GDAP1L1: variants seen among roughly 807,000 people sequenced by gnomAD.
GDAP1L1 encodes ganglioside-induced differentiation-associated protein 1-like 1.
Under a neutral mutation model 37.1 loss-of-function variants are expected in GDAP1L1, and 21 were observed. The ratio of observed to expected loss-of-function variants is 0.57; its 90% CI spans 0.40 to 0.81. The LOEUF (loss-of-function observed/expected upper bound fraction) is 0.81. Ranked by LOEUF, GDAP1L1 falls within the 40% of genes least tolerant of loss-of-function variation. The probability of loss-of-function intolerance (pLI) is 0.00; values close to 1 mark genes in which losing one functional copy is unlikely to be tolerated. For missense variants in GDAP1L1, 362 were observed against 491.6 expected, an observed-to-expected ratio of 0.74 and a Z score of 2.49; for synonymous variants, 193 against 209.1, an observed-to-expected ratio of 0.92 and a Z score of 0.67.
intron 2 of GDAP1L1, 161 bp from the exon 3 acceptor site, chr20:44,258,273 G>A (rs1427094277): frequency 1.3e-6 from 1 of 756,252 alleles, no homozygotes; most frequent in Non-Finnish European, 2.4e-6. Context: ...GAGATGGCCG[G>A]GCCACCACTA....
At chr20:44,247,622 G>A in intron 1 of GDAP1L1, 108 bp downstream of exon 1, 1 of 1,053,812 alleles carries the variant, frequency 9.5e-7, no homozygotes, top group Non-Finnish European at 1.3e-6. Context: ...GGGGGAACCT[G>A]GGGTTTGGGG....
intron 5 of GDAP1L1, among the ~76,000 whole-genome samples, chr20:44,278,379 CTTTA>C (rs960478650): frequency 2.6e-5 from 4 of 151,762 alleles, no homozygotes; most frequent in South Asian, 2.1e-4. Context: ...CATATTTGCA[CTTTA>C]TTTATTTATT....
At chr20:44,247,897 G>T (rs2073363853) in intron 1 of GDAP1L1, among the ~76,000 whole-genome samples, 1 of 152,046 alleles carries the variant, frequency 6.6e-6, no homozygotes, top group Non-Finnish European at 1.5e-5. Flanking sequence ...GGAGGGAGAA[G>T]AAGCGCTACT....
chr20:44,264,480 G>A lies in GDAP1L1; in HGVS notation c.681G>A (p.Leu227=), dbSNP rs1450423138. 1 of 1,543,400 alleles carries A rather than the reference G, an allele frequency of 6.5e-7. No homozygotes were observed. Among genetic ancestry groups the A allele is most frequent in the South Asian group, 1.3e-5 (1 of 79,180 alleles). Residue 227 remains leucine (L), a synonymous_variant, in exon 5 of 6, where the codon CTG becomes CTA. Coordinates refer to ENST00000342560, the MANE Select transcript of GDAP1L1 (RefSeq NM_024034.6). ...KILEHDDVSY[L]KKILGELAMV... ...TGGAGCATGATGATGTGAGCTACCT[G>A]AAGAAGATCCTCGGGGAACTGGCCA...
At chr20:44,257,715 C>A (rs1004260363) in intron 2 of GDAP1L1, among the ~76,000 whole-genome samples, 2 of 152,104 alleles carry the variant, frequency 1.3e-5, no homozygotes, top group Admixed American at 6.5e-5. Context: ...TCCCCACAGA[C>A]AGGGTCCAGA....
intron 1 of GDAP1L1, 68 bp from the exon 2 acceptor site, chr20:44,257,085 C>T: frequency 6.8e-7 from 1 of 1,468,628 alleles, no homozygotes; most frequent in Non-Finnish European, 9.1e-7. Context: ...CCGCACACCC[C>T]CGCCCCACCT....
chr20:44,269,994 G>A (rs2062496145), intron 5 of GDAP1L1, among the ~76,000 whole-genome samples: 1 of 152,126 alleles, frequency 6.6e-6, no homozygotes, highest in African/African-American at 2.4e-5. Flanking sequence ...CAAAGGAGAG[G>A]TCAGAATTTG....
At chr20:44,258,277 ACCACTAGAATC>A in intron 2 of GDAP1L1, 146 bp from the exon 3 acceptor site, 1 of 764,702 alleles carries the variant, frequency 1.3e-6, no homozygotes, top group South Asian at 1.5e-5. Context: ...TGGCCGGGCC[ACCACTAGAATC>A]CCCTGTCCGC....
intron 1 of GDAP1L1, among the ~76,000 whole-genome samples, chr20:44,253,815 C>T (rs184047518): frequency 1.3e-5 from 2 of 152,360 alleles, no homozygotes; most frequent in East Asian, 3.9e-4. Flanking sequence ...GGCCGCCTGC[C>T]AGGGTGACCC....
intron 1 of GDAP1L1, 115 bp from the exon 2 acceptor site, chr20:44,257,038 C>T (rs1000734264): frequency 1.8e-5 from 20 of 1,094,350 alleles, no homozygotes; most frequent in Middle Eastern, 3.1e-4. Flanking sequence ...TGAAAGCAAT[C>T]GTGTCCCCTC....
rs777393883 is a variant in GDAP1L1 at position 44,279,169 on chromosome 20, G to A, written c.973G>A (p.Ala325Thr). The change falls in exon 6 of 6, where the codon GCC (alanine) becomes ACC (threonine). Residue 325 changes from alanine to threonine, a missense_variant. Physicochemically the swap from Ala to Thr is moderately conservative, Grantham distance 58. Transcript: ENST00000342560. ...LGDIHTTLLS[A>T]VIPNAFRLVK... The stretch of plus-strand genomic sequence containing the variant: ...TGACATCCACACCACCCTGCTGTCG[G>A]CCGTCATCCCCAATGCTTTCCGGCT... The A allele has an allele frequency of 4.3e-6, 7 of 1,614,102 alleles. No individual in the cohort carries two copies. Among genetic ancestry groups the A allele is most frequent in the Non-Finnish European group, 5.1e-6 (6 of 1,179,954 alleles).
upstream of GDAP1L1, chr20:44,247,262 C>T: frequency 1.4e-6 from 2 of 1,473,418 alleles, no homozygotes; most frequent in Admixed American, 3.5e-5. Flanking sequence ...CTCGGCGAGG[C>T]CATGTGATGC....
At chr20:44,269,486 G>A (rs887413735) in intron 5 of GDAP1L1, among the ~76,000 whole-genome samples, 1 of 152,202 alleles carries the variant, frequency 6.6e-6, no homozygotes, top group Non-Finnish European at 1.5e-5. Flanking sequence ...CAGAGGGGAG[G>A]CCGGTGCAGC....
chr20:44,261,851 G>A (rs2073679656), intron 3 of GDAP1L1, among the ~76,000 whole-genome samples: 1 of 152,210 alleles, frequency 6.6e-6, no homozygotes, highest in Non-Finnish European at 1.5e-5. Flanking sequence ...GAAATCTTTA[G>A]CTGAATCTAG....
At chr20:44,253,696 G>A (rs1321842626) in intron 1 of GDAP1L1, among the ~76,000 whole-genome samples, 3 of 152,232 alleles carry the variant, frequency 2.0e-5, no homozygotes, top group Non-Finnish European at 4.4e-5. Context: ...AGATGGCCTT[G>A]GTAGCTGAAT....
At chr20:44,257,427 A>G (rs1034364008) in intron 2 of GDAP1L1, 82 bp downstream of exon 2, 1 of 1,348,070 alleles carries the variant, frequency 7.4e-7, no homozygotes, top group South Asian at 1.4e-5. Flanking sequence ...GGGTCCCAGA[A>G]CTTTGGGAAG....
intron 5 of GDAP1L1, among the ~76,000 whole-genome samples, chr20:44,268,901 G>C (rs145030598): frequency 2.6e-5 from 4 of 152,290 alleles, no homozygotes; most frequent in Admixed American, 6.5e-5. Context: ...GGAGGGCTTT[G>C]AGGAGGGTAT....
At chr20:44,256,667 A>AG (rs2073552981) in intron 1 of GDAP1L1, among the ~76,000 whole-genome samples, 1 of 151,694 alleles carries the variant, frequency 6.6e-6, no homozygotes, top group African/African-American at 2.4e-5. Flanking sequence ...CTTAAAAAAA[A>AG]GGGGAAAAAA....
Position 44,279,500 on chromosome 20 carries a change from C to A in GDAP1L1, c.*200C>A, listed in dbSNP as rs2062619371. The stretch of plus-strand genomic sequence containing the variant: ...AATGCTGTGACTCAAGGCCACGGCT[C>A]TACTAAAAGAGAGAGAGGAAGCGAG... On this transcript the variant is annotated 3_prime_UTR_variant, in exon 6 of 6. Coordinates refer to ENST00000342560, the MANE Select transcript of GDAP1L1 (RefSeq NM_024034.6). 7.1e-6 allele frequency: 5 copies of A among 708,232 alleles called. No individual in the cohort carries two copies. Among genetic ancestry groups the A allele is most frequent in the South Asian group, 4.5e-5 (3 of 66,756 alleles). The allele number at this position is 708,232 out of a possible 1,614,324, so 43.9% of individuals were successfully genotyped here.
Sources: allele counts gnomAD v4.1 joint callset (sites outside exome capture counted in the v4.1 genomes callset), GRCh38; gene constraint gnomAD v4.1.1; transcripts MANE v1.5; gene names NCBI Gene and HGNC (gene_info 2026-07-23, HGNC 2026-07-21).